USP3: variants seen among roughly 807,000 people sequenced by gnomAD.
USP3 encodes the protein ubiquitin carboxyl-terminal hydrolase 3.
In USP3, 20 loss-of-function variants were observed where a neutral mutation model predicts 72.3. The observed-to-expected ratio is 0.28, with a 90% CI of 0.19 to 0.40. The LOEUF (loss-of-function observed/expected upper bound fraction) is 0.40, where lower values mean the gene tolerates loss of function less well. USP3 is among the 10% of genes least tolerant of loss of function. The pLI is 1.00. For missense variants in USP3, 479 were observed against 633.9 expected, an observed-to-expected ratio of 0.76 and a Z score of 2.62; for synonymous variants, 222 against 225.3, an observed-to-expected ratio of 0.99 and a Z score of 0.13.
chr15:63,509,367 C>G (rs1174233373), intron 1 of USP3, among the ~76,000 whole-genome samples: 1 of 152,176 alleles, frequency 6.6e-6, no homozygotes, highest in South Asian at 2.1e-4. Context: ...TGAAAATAAA[C>G]GCAGAGTGAA....
Position 63,570,337 on chromosome 15 carries a change from G to A in USP3, c.762-96G>A. On this transcript the variant is annotated intron_variant, in intron 8 of 14. Transcript: ENST00000380324. This position sits in a 1 kb window ranked among gnomAD's most constrained non-coding sequence, Gnocchi z 4.4. Reference sequence around the variant, plus strand: ...GCCTGGCTGTGCTTGTGAGCACGGGGCTGCCGTCCTTTTCCACGCCTTGGC... The same window carrying A: ...GCCTGGCTGTGCTTGTGAGCACGGGACTGCCGTCCTTTTCCACGCCTTGGC... The A allele has an allele frequency of 9.1e-6, 14 of 1,532,096 alleles. No individual in the cohort carries two copies. Among genetic ancestry groups the A allele is most frequent in the South Asian group, 2.4e-5 (2 of 84,798 alleles). 94.9% of individuals were successfully genotyped at this position (1,532,096 alleles called of 1,614,324 possible). A position where few individuals can be genotyped will look rare whatever the true frequency, so the allele number is the denominator to read the frequency against.
In USP3 at chr15:63,544,830, A is replaced by G; in HGVS notation, c.284+7674A>G. 3 of 673,752 alleles carry G rather than the reference A, an allele frequency of 4.5e-6. No individual in the cohort carries two copies. In the South Asian group the frequency reaches 4.8e-5, roughly 11 times the overall value. 41.7% of individuals were successfully genotyped at this position (673,752 alleles called of 1,614,324 possible). On this transcript the variant is annotated intron_variant, in intron 3 of 14. Coordinates refer to ENST00000380324, the MANE Select transcript of USP3 (RefSeq NM_006537.4). The surrounding 1 kb of genome is among the most constrained non-coding windows in gnomAD (Gnocchi z 4.2). ...ATTGGGAGGGAAGGGGTAGGAGATA[A>G]GAATATCTAAGCAAGGCTGACATTG...
In USP3 at chr15:63,549,206, C is replaced by T. The variant is rs1331455763; in HGVS notation, c.285-4509C>T. 5.9e-5 allele frequency among the ~76,000 whole-genome samples: 9 copies of T among 152,166 alleles called. No individual in the cohort carries two copies. The South Asian group carries it at 1.0e-3, about 18-fold the overall frequency. On this transcript the variant is annotated intron_variant, in intron 3 of 14. Coordinates refer to ENST00000380324, the MANE Select transcript of USP3 (RefSeq NM_006537.4). ...TTACAATTTTAAGTACATCTCAACT[C>T]GTGAAGTTTTGATAAAAAATATTTG...
At chr15:63,582,987 T>G (rs995266258) in intron 11 of USP3, among the ~76,000 whole-genome samples, 41 of 152,200 alleles carry the variant, frequency 2.7e-4, no homozygotes, top group African/African-American at 9.7e-4. Context: ...AATTAAAGCT[T>G]CTAAACAGTT....
chr15:63,532,735 A>T (rs1364352342), intron 2 of USP3, 28 bp downstream of exon 2: 1 of 1,609,818 alleles, frequency 6.2e-7, no homozygotes, highest in Non-Finnish European at 8.5e-7. Context: ...TACTTCACTG[A>T]CCTATTTGCT....
chr15:63,518,235 G>A (rs986958494), intron 1 of USP3, among the ~76,000 whole-genome samples: 4 of 152,146 alleles, frequency 2.6e-5, no homozygotes, highest in Admixed American at 2.6e-4. Flanking sequence ...TATTGTTGCT[G>A]TTATCAGAGT....
intron 11 of USP3, among the ~76,000 whole-genome samples, chr15:63,577,329 C>T (rs2066879723): frequency 6.6e-6 from 1 of 152,190 alleles, no homozygotes; most frequent in Non-Finnish European, 1.5e-5. Flanking sequence ...AATCAAAATG[C>T]CCTAATAGGC....
In USP3 at chr15:63,590,750, A is replaced by T. The variant is rs985631576; in HGVS notation, c.1487A>T (p.Glu496Val). ...AGTACTGTAACACTGACTGACGAGG[A>T]GACTGTGGTGAAGGCGAAGGCCTAC... ...NDSTVTLTDE[E>V]TVVKAKAYIL... The change falls in exon 15 of 15, where the codon GAG becomes GTG. Residue 496 changes from glutamate to valine, a missense_variant. By Grantham distance (121) the Glu-to-Val change is moderately radical (BLOSUM62 -2). Coordinates refer to ENST00000380324, the MANE Select transcript of USP3 (RefSeq NM_006537.4). The T allele has an allele frequency of 6.2e-7, 1 of 1,614,160 alleles. No homozygotes were observed. Among genetic ancestry groups the T allele is most frequent in the South Asian group, 1.1e-5 (1 of 91,066 alleles).
chr15:63,506,794 G>C (rs942229556), intron 1 of USP3, among the ~76,000 whole-genome samples: 2 of 152,216 alleles, frequency 1.3e-5, no homozygotes, highest in African/African-American at 4.8e-5. Flanking sequence ...AAGTGTGTCT[G>C]ACATATAGCT....
intron 3 of USP3, among the ~76,000 whole-genome samples, chr15:63,545,105 G>C (rs2066300557): frequency 1.3e-5 from 2 of 152,158 alleles, no homozygotes; most frequent in African/African-American, 4.8e-5. Flanking sequence ...TAAAGTATAA[G>C]TGTAATGAGA....
chr15:63,561,819 G>A (rs2066612385), intron 7 of USP3, among the ~76,000 whole-genome samples: 1 of 152,192 alleles, frequency 6.6e-6, no homozygotes, highest in Admixed American at 6.5e-5. Context: ...GTGATTGTGA[G>A]GGTTGAGAAA....
rs1459067985 is a variant in USP3, at chr15:63,529,557, T to A, written c.92-3090T>A. On this transcript the variant is annotated intron_variant, in intron 1 of 14. Coordinates refer to ENST00000380324, the MANE Select transcript of USP3 (RefSeq NM_006537.4). This position sits in a 1 kb window ranked among gnomAD's most constrained non-coding sequence, Gnocchi z 4.2. ...TGAGAAATTAAAAAAAATTAAAGCC[T>A]TGTGAGATAGTTGATATTATAAGAC... is the stretch of plus-strand genomic sequence containing the variant. 6.6e-6 allele frequency among the ~76,000 whole-genome samples: 1 copy of A among 152,180 alleles called. No individual in the cohort carries two copies. Among genetic ancestry groups the A allele is most frequent in the Non-Finnish European group, 1.5e-5 (1 of 68,024 alleles).
chr15:63,525,547 A>G (rs767522099), intron 1 of USP3, among the ~76,000 whole-genome samples: 1 of 152,104 alleles, frequency 6.6e-6, no homozygotes, highest in Non-Finnish European at 1.5e-5. Context: ...TCTTTTCTGG[A>G]TTACATTATG....
At chr15:63,513,609 G>C (rs2065817151) in intron 1 of USP3, among the ~76,000 whole-genome samples, 1 of 152,116 alleles carries the variant, frequency 6.6e-6, no homozygotes, top group East Asian at 1.9e-4. Context: ...TTCTGACTCT[G>C]AGTGATCTTT....
intron 11 of USP3, among the ~76,000 whole-genome samples, chr15:63,586,195 T>C (rs1370595130): frequency 6.6e-6 from 1 of 152,208 alleles, no homozygotes; most frequent in African/African-American, 2.4e-5. Flanking sequence ...TTGCTTTAGC[T>C]AAAACTTCCA....
chr15:63,512,666 A>G (rs2065806692), intron 1 of USP3, among the ~76,000 whole-genome samples: 1 of 151,928 alleles, frequency 6.6e-6, no homozygotes, highest in Non-Finnish European at 1.5e-5. Context: ...GCTGGTCTTG[A>G]ACTCCTGACC....
At chr15:63,536,865 AG>A (rs1211852728) in intron 2 of USP3, among the ~76,000 whole-genome samples, 159 bp from the exon 3 acceptor site, 3 of 152,160 alleles carry the variant, frequency 2.0e-5, no homozygotes, top group African/African-American at 7.2e-5. Context: ...AAAAAAAAAA[AG>A]AGCATATTTT....
chr15:63,572,832 C>A (rs1458594242), intron 9 of USP3, among the ~76,000 whole-genome samples: 1 of 152,192 alleles, frequency 6.6e-6, no homozygotes, highest in African/African-American at 2.4e-5. Flanking sequence ...TGATAGCAAA[C>A]AATTGAAAGA....
At chr15:63,532,329 C>T (rs965509159) in intron 1 of USP3, among the ~76,000 whole-genome samples, 3 of 152,156 alleles carry the variant, frequency 2.0e-5, no homozygotes, top group Admixed American at 2.0e-4. Flanking sequence ...GGAAAATAGA[C>T]TGTCGTTAAC....
Sources: gnomAD v4.1 joint callset for allele counts (sites outside exome capture counted in the v4.1 genomes callset) on GRCh38, gnomAD v4.1.1 for gene constraint, Gnocchi (gnomAD v3.1) non-coding constraint, MANE v1.5 for transcripts, NCBI Gene and HGNC (gene_info 2026-07-23, HGNC 2026-07-21) for gene names.